Variants in SNX9 observed in about 807,000 individuals in gnomAD.
SNX9 encodes the protein sorting nexin 9, also known as sorting nexin-9.
In SNX9, 44 loss-of-function variants were observed where a neutral mutation model predicts 89.4. The observed-to-expected ratio is 0.49, with a 90% CI of 0.39 to 0.63. The LOEUF (loss-of-function observed/expected upper bound fraction) is 0.63. Among genes scored for constraint, SNX9 ranks in the 30% least tolerant of loss-of-function variants. The pLI is 0.00. For synonymous variants in SNX9, 236 were observed against 247.8 expected (o/e 0.95, Z 0.45); for missense variants, 578 against 736.1 (o/e 0.79, Z 2.49).
At chr6:157,879,330 G>C (rs11969182) in intron 4 of SNX9, among the ~76,000 whole-genome samples, 4,568 of 152,286 alleles carry the variant, frequency 0.03, 227 homozygotes, top group African/African-American at 0.1. Flanking sequence ...GGGAGAGTGA[G>C]GGTAGATTTA....
At chr6:157,867,745 A>C in intron 2 of SNX9, 112 bp downstream of exon 2, 1 of 893,236 alleles carries the variant, frequency 1.1e-6, no homozygotes, top group South Asian at 3.3e-5. Context: ...CTTATTTTTA[A>C]GATTTTATTT....
Position 157,880,993 on chromosome 6 carries a change from A to G in SNX9, c.300+5817A>G, listed in dbSNP as rs117314600. Among the ~76,000 whole-genome samples, 746 of 152,362 alleles carry G rather than the reference A, an allele frequency of 4.9e-3. 3 individuals carry two copies. Among genetic ancestry groups the G allele is most frequent in the Non-Finnish European group, 8.5e-3 (578 of 68,034 alleles). On this transcript the variant is annotated intron_variant, in intron 4 of 17. Coordinates refer to ENST00000392185, the MANE Select transcript of SNX9 (RefSeq NM_016224.5). The stretch of plus-strand genomic sequence containing the variant: ...TAATTGTTAATTATAGTTATCTCAT[A>G]TACCACTGCTTCTAAAACAAGACAT...
intron 1 of SNX9, among the ~76,000 whole-genome samples, chr6:157,862,709 A>G (rs1782166342): frequency 6.6e-6 from 1 of 150,734 alleles, no homozygotes; most frequent in Non-Finnish European, 1.5e-5. Flanking sequence ...CCTATTTTGA[A>G]CTGTTTTATT....
intron 10 of SNX9, among the ~76,000 whole-genome samples, chr6:157,921,875 G>A (rs1027567842): frequency 1.1e-4 from 16 of 152,246 alleles, no homozygotes; most frequent in African/African-American, 3.9e-4. Context: ...TACACTGGGA[G>A]TGGGTTGGCT....
chr6:157,913,494 G>A (rs985094273), intron 9 of SNX9, among the ~76,000 whole-genome samples: 5 of 152,010 alleles, frequency 3.3e-5, no homozygotes, highest in Non-Finnish European at 5.9e-5. Context: ...GGAAAGTTCA[G>A]GTTTCATTTT....
intron 4 of SNX9, among the ~76,000 whole-genome samples, chr6:157,891,321 G>A (rs370567389): frequency 4.6e-5 from 7 of 151,932 alleles, no homozygotes; most frequent in East Asian, 1.9e-4. Context: ...GAACCGCTGC[G>A]CCTGGCCAAA....
chr6:157,866,836 C>G (rs1164602920), intron 1 of SNX9, among the ~76,000 whole-genome samples: 2 of 152,156 alleles, frequency 1.3e-5, no homozygotes, highest in African/African-American at 4.8e-5. Context: ...ATGTCTCTGT[C>G]TTCAGTTTCT....
intron 13 of SNX9, chr6:157,934,085 C>T (rs1475940627): frequency 6.6e-6 from 1 of 152,152 alleles, no homozygotes; most frequent in African/African-American, 2.4e-5. Context: ...CGTCTTAGAG[C>T]AGTGCTATAC....
intron 16 of SNX9, among the ~76,000 whole-genome samples, chr6:157,939,303 G>C (rs1783988562): frequency 6.6e-6 from 1 of 152,198 alleles, no homozygotes. Flanking sequence ...TGTGGTGCTA[G>C]ATTGTGTCAT....
chr6:157,877,281 C>T (rs369535098), intron 4 of SNX9, among the ~76,000 whole-genome samples: 23 of 150,212 alleles, frequency 1.5e-4, no homozygotes, highest in Middle Eastern at 3.2e-3. Context: ...AAAAAAAAAG[C>T]GGGGGGGGCA....
chr6:157,896,750 G>T, intron 4 of SNX9, 77 bp from the exon 5 acceptor site: 1 of 1,473,654 alleles, frequency 6.8e-7, no homozygotes, highest in Non-Finnish European at 9.4e-7. Flanking sequence ...GTATTCAATT[G>T]TGTCAGTTCA....
chr6:157,861,751 A>G (rs781466707), intron 1 of SNX9, among the ~76,000 whole-genome samples: 6 of 152,180 alleles, frequency 3.9e-5, no homozygotes, highest in Admixed American at 6.5e-5. Context: ...TGTTTTTTCT[A>G]TATATGCCTA....
At chr6:157,910,655 T>C (rs1207409861) in intron 9 of SNX9, among the ~76,000 whole-genome samples, 3 of 152,128 alleles carry the variant, frequency 2.0e-5, no homozygotes, top group African/African-American at 7.2e-5. Flanking sequence ...GCCCCAAGAA[T>C]CTTTTGGTAA....
intron 1 of SNX9, among the ~76,000 whole-genome samples, chr6:157,852,707 G>T (rs1203480947): frequency 2.6e-5 from 4 of 152,070 alleles, no homozygotes; most frequent in Non-Finnish European, 5.9e-5. Flanking sequence ...CTGCCAAGTA[G>T]CTAGGACTAC....
intron 14 of SNX9, among the ~76,000 whole-genome samples, chr6:157,936,826 C>T (rs991806326): frequency 6.6e-6 from 1 of 152,156 alleles, no homozygotes; most frequent in Non-Finnish European, 1.5e-5. Context: ...TTTTAGATAA[C>T]AGATAATAAG....
intron 2 of SNX9, among the ~76,000 whole-genome samples, chr6:157,868,704 A>C (rs1487916556): frequency 6.6e-6 from 1 of 152,258 alleles, no homozygotes; most frequent in East Asian, 1.9e-4. Flanking sequence ...AAATTATGAG[A>C]TGAACATCAT....
chr6:157,829,266 C>G (rs1034474319), intron 1 of SNX9: 4 of 152,120 alleles, frequency 2.6e-5, no homozygotes, highest in African/African-American at 9.7e-5. Flanking sequence ...TGTCTTTAAC[C>G]TACAAGTTGT....
chr6:157,897,034 C>G, intron 5 of SNX9, 36 bp downstream of exon 5: 1 of 1,533,542 alleles, frequency 6.5e-7, no homozygotes, highest in Non-Finnish European at 8.7e-7. Context: ...CCCTGCCCGC[C>G]CATGGCTGAG....
intron 7 of SNX9, among the ~76,000 whole-genome samples, chr6:157,906,941 A>C (rs1197988857): frequency 6.6e-6 from 1 of 152,160 alleles, no homozygotes; most frequent in Non-Finnish European, 1.5e-5. Context: ...CCTGGACTCA[A>C]TCGAGGATGA....
Sources: gnomAD v4.1 joint callset for allele counts (sites outside exome capture counted in the v4.1 genomes callset) on GRCh38, gnomAD v4.1.1 for gene constraint, MANE v1.5 for transcripts, NCBI Gene and HGNC (gene_info 2026-07-23, HGNC 2026-07-21) for gene names.